The following ZFPM2 variants were observed in gnomAD, a reference collection of about 807,000 sequenced individuals.
ZFPM2 encodes zinc finger protein, FOG family member 2, also known as zinc finger protein ZFPM2.
A neutral mutation model predicts 98.6 loss-of-function variants in ZFPM2; 20 were observed. That is an observed-to-expected ratio of 0.20 (90% CI 0.14 to 0.29). The LOEUF (loss-of-function observed/expected upper bound fraction) is 0.29, where lower values mean the gene tolerates loss of function less well. ZFPM2 is among the 10% of genes least tolerant of loss of function. The pLI, the probability that ZFPM2 is intolerant of heterozygous loss-of-function variation, is 1.00. For missense variants in ZFPM2, 1,310 were observed against 1,388.6 expected, an observed-to-expected ratio of 0.94 and a Z score of 0.90; for synonymous variants, 518 against 502.7, an observed-to-expected ratio of 1.03 and a Z score of -0.41.
intron 1 of ZFPM2, among the ~76,000 whole-genome samples, chr8:105,336,949 T>G (rs575355155): frequency 6.6e-6 from 1 of 151,748 alleles, no homozygotes; most frequent in African/African-American, 2.4e-5. Flanking sequence ...TTTTTGTTGT[T>G]TAGTTGTTGT....
At chr8:105,735,945 G>A (rs1280709532) in intron 5 of ZFPM2, among the ~76,000 whole-genome samples, 4 of 151,884 alleles carry the variant, frequency 2.6e-5, no homozygotes, top group African/African-American at 7.2e-5. Flanking sequence ...AAAATTTAAC[G>A]CGGCTATAAA....
intron 3 of ZFPM2, among the ~76,000 whole-genome samples, chr8:105,492,825 A>G (rs1020811701): frequency 6.6e-6 from 1 of 152,218 alleles, no homozygotes; most frequent in South Asian, 2.1e-4. Flanking sequence ...GAGAATTTTC[A>G]TAGATTTTAT....
chr8:105,683,708 G>A (rs1238406529), intron 5 of ZFPM2, among the ~76,000 whole-genome samples: 1 of 152,004 alleles, frequency 6.6e-6, no homozygotes. Flanking sequence ...TTAAGAATCA[G>A]CCCTGAGATT....
chr8:105,769,368 G>C (rs1210241984), intron 5 of ZFPM2, among the ~76,000 whole-genome samples: 1 of 151,964 alleles, frequency 6.6e-6, no homozygotes, highest in Admixed American at 6.6e-5. Context: ...GATCCTTGCA[G>C]GTCCCTTCGA....
intron 2 of ZFPM2, among the ~76,000 whole-genome samples, chr8:105,437,769 GT>G (rs775391470): frequency 6.6e-6 from 1 of 152,172 alleles, no homozygotes; most frequent in Non-Finnish European, 1.5e-5. Context: ...CTGGCCAGGA[GT>G]GGTGGCTCAC....
intron 3 of ZFPM2, among the ~76,000 whole-genome samples, chr8:105,520,403 A>T (rs1159270162): frequency 1.3e-5 from 2 of 152,170 alleles, no homozygotes; most frequent in Non-Finnish European, 2.9e-5. Context: ...TATCAACGGG[A>T]TGTGAAGGCA....
At chr8:105,617,845 A>C (rs554431275) in intron 4 of ZFPM2, among the ~76,000 whole-genome samples, 70 of 152,276 alleles carry the variant, frequency 4.6e-4, no homozygotes, top group African/African-American at 1.4e-3. Flanking sequence ...TCATCTCTAC[A>C]GGTATAAAAA....
At chr8:105,348,302 A>C (rs2957451) in intron 1 of ZFPM2, among the ~76,000 whole-genome samples, 66,883 of 152,080 alleles carry the variant, frequency 0.44, 17,017 homozygotes, top group Middle Eastern at 0.6. Context: ...TTGTATAAGA[A>C]GCAGAGACTT....
At chr8:105,692,187 T>G (rs1463176078) in intron 5 of ZFPM2, among the ~76,000 whole-genome samples, 2 of 152,222 alleles carry the variant, frequency 1.3e-5, no homozygotes, top group East Asian at 3.8e-4. Context: ...TGAAAAACAT[T>G]TGTTTAATTT....
chr8:105,757,268 A>G (rs1287866425), intron 5 of ZFPM2, among the ~76,000 whole-genome samples: 2 of 152,178 alleles, frequency 1.3e-5, no homozygotes, highest in Non-Finnish European at 2.9e-5. Flanking sequence ...CTCTGATTGC[A>G]TATTAGACTC....
chr8:105,356,428 T>C (rs1563618905), intron 1 of ZFPM2, among the ~76,000 whole-genome samples: 1 of 152,202 alleles, frequency 6.6e-6, no homozygotes, highest in South Asian at 2.1e-4. Flanking sequence ...TATACACAGC[T>C]CTATTTGATT....
At chr8:105,432,319 CTG>C in intron 2 of ZFPM2, among the ~76,000 whole-genome samples, 1 of 152,200 alleles carries the variant, frequency 6.6e-6, no homozygotes, top group East Asian at 1.9e-4. Context: ...TTTGTGAGCT[CTG>C]AGAGTCATTC....
In ZFPM2 at chr8:105,318,900, G is replaced by C; in HGVS notation, c.-42G>C. The C allele has an allele frequency of 7.7e-7, 1 of 1,296,230 alleles. No individual in the cohort carries two copies. Among genetic ancestry groups the C allele is most frequent in the Non-Finnish European group, 1.0e-6 (1 of 996,652 alleles). The allele number at this position is 1,296,230 out of a possible 1,614,324, so 80.3% of individuals were successfully genotyped here. A position where few individuals can be genotyped will look rare whatever the true frequency, so the allele number is the denominator to read the frequency against. On this transcript the variant is annotated 5_prime_UTR_variant, in exon 1 of 8. Coordinates refer to ENST00000407775, the MANE Select transcript of ZFPM2 (RefSeq NM_012082.4). ...AGCCGAGGGAGCGGCAGCCGCGACC[G>C]CGGGCACCGCGGGAGCCCCAGCGGC...
In ZFPM2 at chr8:105,648,859, G is replaced by A. The variant is rs539382350; in HGVS notation, c.532+14502G>A. 7.2e-5 allele frequency among the ~76,000 whole-genome samples: 11 copies of A among 152,240 alleles called. No homozygotes were observed. In the South Asian group the frequency reaches 1.5e-3, roughly 20 times the overall value. On this transcript the variant is annotated intron_variant, in intron 5 of 7. Transcript: ENST00000407775. ...TGGCTTAGGATTGACTTGGCAATGC[G>A]GGCTCTTTTTTGGTTCCATATGAAC...
chr8:105,496,076 A>G (rs1180956339), intron 3 of ZFPM2, among the ~76,000 whole-genome samples: 1 of 152,182 alleles, frequency 6.6e-6, no homozygotes, highest in Admixed American at 6.5e-5. Context: ...CAGATTTCTG[A>G]ATTTTTTCTC....
At chr8:105,690,439 T>C (rs1365626429) in intron 5 of ZFPM2, among the ~76,000 whole-genome samples, 2 of 152,148 alleles carry the variant, frequency 1.3e-5, no homozygotes, top group Non-Finnish European at 2.9e-5. Flanking sequence ...TAAGCTACAC[T>C]GGGCCAGTGT....
intron 3 of ZFPM2, among the ~76,000 whole-genome samples, chr8:105,488,332 T>C (rs1215756228): frequency 6.6e-6 from 1 of 152,226 alleles, no homozygotes; most frequent in Non-Finnish European, 1.5e-5. Context: ...TGTTCCATTA[T>C]CTTCAACCGT....
intron 2 of ZFPM2, among the ~76,000 whole-genome samples, chr8:105,434,148 A>G (rs1249901127): frequency 2.6e-5 from 4 of 152,216 alleles, no homozygotes; most frequent in African/African-American, 9.6e-5. Flanking sequence ...ATAGGAATCC[A>G]CAAACATAAT....
At chr8:105,407,270 T>C (rs1365365385) in intron 1 of ZFPM2, among the ~76,000 whole-genome samples, 1 of 151,874 alleles carries the variant, frequency 6.6e-6, no homozygotes, top group Non-Finnish European at 1.5e-5. Flanking sequence ...AAAAAGATTA[T>C]TCACACATAA....
Sources: gnomAD v4.1 joint callset for allele counts (sites outside exome capture counted in the v4.1 genomes callset) on GRCh38, gnomAD v4.1.1 for gene constraint, MANE v1.5 for transcripts, NCBI Gene and HGNC (gene_info 2026-07-23, HGNC 2026-07-21) for gene names.